The following KMT2E variants were observed in gnomAD, a reference collection of about 807,000 sequenced individuals.
KMT2E encodes histone reader KMT2E.
KMT2E carries 30 observed loss-of-function variants against 184.6 expected under a neutral mutation model. The ratio of observed to expected loss-of-function variants is 0.16; its 90% CI spans 0.12 to 0.22. The LOEUF (loss-of-function observed/expected upper bound fraction) is 0.22. Among genes scored for constraint, KMT2E ranks in the 10% least tolerant of loss-of-function variants. The pLI is 1.00. For synonymous variants in KMT2E, 815 were observed against 776.5 expected, an observed-to-expected ratio of 1.05 and a Z score of -0.82; for missense variants, 2,023 against 2,237.4, an observed-to-expected ratio of 0.90 and a Z score of 1.93.
At chr7:105,082,896 C>G (rs1797815015) in intron 13 of KMT2E, among the ~76,000 whole-genome samples, 1 of 152,186 alleles carries the variant, frequency 6.6e-6, no homozygotes, top group Non-Finnish European at 1.5e-5. Flanking sequence ...TTTTTTGGCA[C>G]TGCTTTTTCT....
rs1799308555 is a variant in KMT2E at position 105,111,899 on chromosome 7, C to A, written c.4143C>A (p.Asp1381Glu). Reference sequence around the variant, plus strand: ...TCACAAAACCAGATCCCCAATGGGACTCCACAGTTAGTGCATCCGAAGCTG... The same window carrying A: ...TCACAAAACCAGATCCCCAATGGGAATCCACAGTTAGTGCATCCGAAGCTG... ...KIFTKPDPQW[D>E]STVSASEAEN... Residue 1381 changes from aspartate (D) to glutamate (E), a missense_variant, in exon 27 of 27, where the codon GAC becomes GAA. Asp to Glu is a conservative substitution (Grantham distance 45). Around this residue, in one of 8 missense-constraint regions of KMT2E, gnomAD observed 1,108 missense variants for 1,050.9 expected, o/e 1.05. Transcript: ENST00000311117. 1 of 1,614,162 alleles carries A rather than the reference C, an allele frequency of 6.2e-7. No homozygotes were observed. Among genetic ancestry groups the A allele is most frequent in the African/African-American group, 1.3e-5 (1 of 75,034 alleles).
At chr7:105,094,503 A>C (rs1294563825) in intron 15 of KMT2E, among the ~76,000 whole-genome samples, 1 of 152,220 alleles carries the variant, frequency 6.6e-6, no homozygotes, top group Non-Finnish European at 1.5e-5. Flanking sequence ...CAAAAATCTG[A>C]AATGCTCCAA....
intron 5 of KMT2E, 183 bp downstream of exon 5, chr7:105,063,763 CTGT>C: frequency 1.8e-6 from 1 of 560,500 alleles, no homozygotes; most frequent in South Asian, 2.3e-5. Context: ...CTAGAAATCC[CTGT>C]TGTTAACTGA....
At chr7:105,044,916 T>A (rs1796036940) in intron 3 of KMT2E, among the ~76,000 whole-genome samples, 1 of 152,326 alleles carries the variant, frequency 6.6e-6, no homozygotes, top group East Asian at 1.9e-4. Flanking sequence ...TTCTACCTGC[T>A]TTACTTACCA....
intron 23 of KMT2E, among the ~76,000 whole-genome samples, chr7:105,110,052 C>T (rs915496059): frequency 6.6e-6 from 1 of 152,052 alleles, no homozygotes; most frequent in African/African-American, 2.4e-5. Flanking sequence ...CCAGGCTGGT[C>T]TCAGACTCCT....
intron 22 of KMT2E, among the ~76,000 whole-genome samples, chr7:105,108,384 TAA>T (rs778994632): frequency 3.3e-5 from 5 of 152,242 alleles, no homozygotes; most frequent in African/African-American, 4.8e-5. Flanking sequence ...TATTAAATAT[TAA>T]GTTAGTTCCC....
intron 3 of KMT2E, among the ~76,000 whole-genome samples, chr7:105,050,646 T>TTTTC (rs141858668): frequency 1.4e-4 from 12 of 85,130 alleles, no homozygotes; most frequent in East Asian, 4.0e-4. Flanking sequence ...CTCTTTTCTT[T>TTTTC]TTTCTTTCTT....
intron 3 of KMT2E, among the ~76,000 whole-genome samples, chr7:105,055,533 T>A (rs1307147018): frequency 1.3e-5 from 2 of 152,230 alleles, no homozygotes; most frequent in Non-Finnish European, 2.9e-5. Flanking sequence ...AACATAAAAT[T>A]GAAGGTGTTT....
intron 14 of KMT2E, among the ~76,000 whole-genome samples, chr7:105,090,841 C>G (rs1798172728): frequency 6.6e-6 from 1 of 152,036 alleles, no homozygotes. Context: ...TTTCCAGGGG[C>G]CTATCTTCTA....
At chr7:105,100,575 T>G (rs1798610600) in intron 15 of KMT2E, among the ~76,000 whole-genome samples, 1 of 152,202 alleles carries the variant, frequency 6.6e-6, no homozygotes, top group Admixed American at 6.5e-5. Context: ...ACTCTTAATG[T>G]TCTCTTTGGA....
intron 3 of KMT2E, among the ~76,000 whole-genome samples, chr7:105,048,076 G>A (rs893112400): frequency 2.6e-5 from 4 of 152,082 alleles, no homozygotes; most frequent in African/African-American, 7.2e-5. Context: ...CCTCAAGGTC[G>A]CACAGACTGG....
At position 105,074,715 on chromosome 7, in the gene KMT2E, C is replaced by A; in HGVS notation, c.629C>A (p.Pro210Gln). The change falls in exon 8 of 27, where the codon CCA (proline) becomes CAA (glutamine). Residue 210 changes from proline (P) to glutamine (Q), a missense_variant. Coordinates refer to ENST00000311117, the MANE Select transcript of KMT2E (RefSeq NM_182931.3). ...VELYTAFQHT[P>Q]TSITLTASRV... is the part of the protein sequence containing the mutation. ...TTATATACTGCATTTCAGCATACTCCAACATCAATTACTTTAACTGCTTCA... is the reference window on the plus strand; with the variant it reads ...TTATATACTGCATTTCAGCATACTCAAACATCAATTACTTTAACTGCTTCA... 6.2e-7 allele frequency: 1 copy of A among 1,610,078 alleles called. No homozygotes were observed.
At chr7:105,105,261 A>T (rs1405875554) in intron 17 of KMT2E, 178 bp from the exon 18 acceptor site, 3 of 443,082 alleles carry the variant, frequency 6.8e-6, no homozygotes, top group African/African-American at 6.1e-5. Context: ...GTTTCAGAAT[A>T]ACAGTAGATA....
intron 1 of KMT2E, among the ~76,000 whole-genome samples, chr7:105,021,871 C>A (rs954354178): frequency 1.3e-5 from 2 of 152,052 alleles, no homozygotes; most frequent in Admixed American, 6.6e-5. Context: ...TGCTAAAAAA[C>A]CAAGATATTT....
chr7:105,020,591 A>G (rs1794910233), intron 1 of KMT2E, among the ~76,000 whole-genome samples: 1 of 152,202 alleles, frequency 6.6e-6, no homozygotes, highest in Non-Finnish European at 1.5e-5. Context: ...CTCTAAAAAA[A>G]TAAATAAAGT....
chr7:105,097,797 CAT>C (rs760253922), intron 15 of KMT2E, among the ~76,000 whole-genome samples: 3 of 152,186 alleles, frequency 2.0e-5, no homozygotes, highest in Non-Finnish European at 4.4e-5. Flanking sequence ...CAGTTAGTTA[CAT>C]GTCTTTAAGT....
intron 15 of KMT2E, among the ~76,000 whole-genome samples, chr7:105,097,451 T>A (rs957099852): frequency 6.6e-6 from 1 of 152,186 alleles, no homozygotes. Context: ...AGTGGCACAA[T>A]CTTGGCTCAC....
intron 3 of KMT2E, among the ~76,000 whole-genome samples, chr7:105,054,510 A>ATCTGTCTG (rs1303873735): frequency 1.8e-5 from 2 of 108,430 alleles, no homozygotes; most frequent in African/African-American, 6.1e-5. Flanking sequence ...CTATCTATCT[A>ATCTGTCTG]TCTATCTGTC....
chr7:105,023,227 C>T (rs1795024536), intron 1 of KMT2E, among the ~76,000 whole-genome samples: 1 of 150,958 alleles, frequency 6.6e-6, no homozygotes, highest in South Asian at 2.1e-4. Flanking sequence ...AATCCATTAC[C>T]CCGTCTCTAC....
Sources: gnomAD v4.1 joint callset for allele counts (sites outside exome capture counted in the v4.1 genomes callset) on GRCh38, gnomAD v4.1.1 for gene constraint, gnomAD v4.1.1 regional missense constraint, MANE v1.5 for transcripts, NCBI Gene and HGNC (gene_info 2026-07-23, HGNC 2026-07-21) for gene names.